TRPC7: variants seen among roughly 807,000 people sequenced by gnomAD.
TRPC7 encodes the protein short transient receptor potential channel 7.
In TRPC7, 42 loss-of-function variants were observed where a neutral mutation model predicts 90.1. The observed-to-expected ratio is 0.47, with a 90% CI of 0.36 to 0.60. The LOEUF (loss-of-function observed/expected upper bound fraction) is 0.60, where lower values mean the gene tolerates loss of function less well. Ranked by LOEUF, TRPC7 falls within the 20% of genes least tolerant of loss-of-function variation. TRPC7 has a pLI of 0.00. For missense variants in TRPC7, 955 were observed against 1,112.3 expected (o/e 0.86, Z 2.01); for synonymous variants, 451 against 436.3 (o/e 1.03, Z -0.42).
intron 5 of TRPC7, among the ~76,000 whole-genome samples, chr5:136,261,577 G>A (rs1005386242): frequency 2.6e-5 from 4 of 152,150 alleles, no homozygotes; most frequent in Non-Finnish European, 5.9e-5. Flanking sequence ...AGCAGCATTC[G>A]ACATTGTCAT....
intron 11 of TRPC7, 71 bp downstream of exon 11, chr5:136,216,129 C>A (rs537294396): frequency 2.3e-6 from 3 of 1,284,702 alleles, no homozygotes; most frequent in Admixed American, 1.9e-5. Context: ...ACACTGTGGC[C>A]GTAGCCCAGT....
intron 3 of TRPC7, among the ~76,000 whole-genome samples, chr5:136,292,025 C>A (rs1301569011): frequency 1.3e-5 from 2 of 152,080 alleles, no homozygotes; most frequent in African/African-American, 2.4e-5. Flanking sequence ...AACTGAACAA[C>A]CTGCTCCTGA....
At chr5:136,299,175 CCT>C (rs1369854951) in intron 3 of TRPC7, among the ~76,000 whole-genome samples, 1 of 151,970 alleles carries the variant, frequency 6.6e-6, no homozygotes, top group Non-Finnish European at 1.5e-5. Flanking sequence ...CTAGTGCATG[CCT>C]GTAATCCCAG....
chr5:136,267,291 C>G (rs1235386060), intron 4 of TRPC7, among the ~76,000 whole-genome samples: 5 of 152,174 alleles, frequency 3.3e-5, no homozygotes, highest in African/African-American at 1.2e-4. Context: ...GAGTACTTGC[C>G]AACCTCCTGT....
At chr5:136,363,403 G>T (rs1003989277) in intron 1 of TRPC7, among the ~76,000 whole-genome samples, 2 of 152,078 alleles carry the variant, frequency 1.3e-5, no homozygotes, top group Admixed American at 6.6e-5. Context: ...TATATTAATT[G>T]TGGGTTTAAG....
intron 3 of TRPC7, among the ~76,000 whole-genome samples, chr5:136,287,188 T>C (rs1224933398): frequency 1.3e-5 from 2 of 152,180 alleles, no homozygotes; most frequent in African/African-American, 2.4e-5. Context: ...ATATTCATCA[T>C]AGAAGAATGA....
In TRPC7 at chr5:136,357,389, T is replaced by C. The variant is rs541132327; in HGVS notation, c.3-4A>G. 6 of 1,587,658 alleles carry C rather than the reference T, an allele frequency of 3.8e-6. No individual in the cohort carries two copies. Among genetic ancestry groups the C allele is most frequent in the South Asian group, 1.1e-5 (1 of 89,670 alleles). ...TTTGAAGGTGCTGTTCCTCAACCTA[T>C]GGGACAAGGCAAAGATGCCCTGTTA... On this transcript the variant is annotated splice_polypyrimidine_tract_variant and splice_region_variant and intron_variant, in intron 1 of 11. Transcript: ENST00000513104.
intron 5 of TRPC7, among the ~76,000 whole-genome samples, chr5:136,258,963 T>C (rs1258870670): frequency 2.0e-5 from 3 of 152,168 alleles, no homozygotes; most frequent in Non-Finnish European, 4.4e-5. Context: ...CAACAGGCAG[T>C]CCTTTGCAAC....
At chr5:136,279,244 T>G (rs562269253) in intron 3 of TRPC7, among the ~76,000 whole-genome samples, 1 of 152,256 alleles carries the variant, frequency 6.6e-6, no homozygotes, top group Non-Finnish European at 1.5e-5. Context: ...TGACCTTAAT[T>G]GTTGGGTTGC....
At chr5:136,329,458 C>T (rs1759435425) in intron 2 of TRPC7, among the ~76,000 whole-genome samples, 1 of 152,058 alleles carries the variant, frequency 6.6e-6, no homozygotes, top group Non-Finnish European at 1.5e-5. Flanking sequence ...GGCATGCTAC[C>T]TGAGTTTCGG....
intron 3 of TRPC7, 115 bp from the exon 4 acceptor site, chr5:136,274,952 G>T (rs1276457263): frequency 4.1e-6 from 5 of 1,232,894 alleles, no homozygotes; most frequent in Admixed American, 5.2e-5. Context: ...CACCTGGGGG[G>T]TGGTTGAGGA....
intron 10 of TRPC7, 49 bp downstream of exon 10, chr5:136,225,225 T>C (rs942435406): frequency 6.5e-7 from 1 of 1,533,902 alleles, no homozygotes; most frequent in Non-Finnish European, 9.0e-7. Flanking sequence ...TGTGTCTTAG[T>C]GGAGTCTACT....
chr5:136,226,488 AGTT>A, intron 8 of TRPC7: 1 of 541,796 alleles, frequency 1.8e-6, no homozygotes, highest in Admixed American at 3.5e-5. Flanking sequence ...AGCCTCGACC[AGTT>A]CATATTAACC....
At chr5:136,358,726 T>C (rs373804234) in intron 1 of TRPC7, among the ~76,000 whole-genome samples, 3 of 152,214 alleles carry the variant, frequency 2.0e-5, no homozygotes, top group Admixed American at 1.3e-4. Context: ...AACTATGAAA[T>C]AGAGGGGCTG....
At chr5:136,356,565 C>A (rs1460824565) in intron 2 of TRPC7, 43 bp downstream of exon 2, 2 of 1,494,334 alleles carry the variant, frequency 1.3e-6, no homozygotes, top group Non-Finnish European at 8.9e-7. Context: ...GTGGAAGAGC[C>A]CCCTGGGCAA....
At chr5:136,356,512 T>C in intron 2 of TRPC7, 96 bp downstream of exon 2, 1 of 1,274,612 alleles carries the variant, frequency 7.8e-7, no homozygotes. Flanking sequence ...GAAGCTTCCC[T>C]CTTTCTTAGA....
intron 5 of TRPC7, among the ~76,000 whole-genome samples, chr5:136,254,117 A>G (rs373646847): frequency 8.5e-5 from 13 of 152,358 alleles, no homozygotes; most frequent in African/African-American, 3.1e-4. Context: ...ATAAGGTTTG[A>G]GGAAAGAAGC....
intron 3 of TRPC7, among the ~76,000 whole-genome samples, chr5:136,304,307 C>T (rs1758524027): frequency 1.3e-5 from 2 of 152,138 alleles, no homozygotes; most frequent in East Asian, 3.9e-4. Context: ...AAGATCCCAT[C>T]CCACAGCACT....
intron 2 of TRPC7, among the ~76,000 whole-genome samples, chr5:136,348,087 C>T (rs994001724): frequency 6.6e-6 from 1 of 152,224 alleles, no homozygotes; most frequent in Non-Finnish European, 1.5e-5. Context: ...CATTCTTGTG[C>T]TCTCCAGTCC....
Sources: allele counts gnomAD v4.1 joint callset (sites outside exome capture counted in the v4.1 genomes callset), GRCh38; gene constraint gnomAD v4.1.1; transcripts MANE v1.5; gene names NCBI Gene and HGNC (gene_info 2026-07-23, HGNC 2026-07-21).